Variants in SYNGR1 observed in about 807,000 individuals in gnomAD.
The protein encoded by SYNGR1 is synaptogyrin 1.
A neutral mutation model predicts 26.1 loss-of-function variants in SYNGR1; 14 were observed. That is an observed-to-expected ratio of 0.54 (90% CI 0.35 to 0.84). SYNGR1 has a LOEUF of 0.84. SYNGR1 is among the 40% of genes least tolerant of loss of function. The pLI, the probability that SYNGR1 is intolerant of heterozygous loss-of-function variation, is 0.01. For missense variants in SYNGR1, 319 were observed against 332.9 expected, an observed-to-expected ratio of 0.96 and a Z score of 0.33; for synonymous variants, 141 against 150.1, an observed-to-expected ratio of 0.94 and a Z score of 0.44.
In SYNGR1 at chr22:39,384,248, G is replaced by A; in HGVS notation, c.*2334G>A. 1.2e-5 allele frequency: 4 copies of A among 337,684 alleles called. No individual in the cohort carries two copies. Among genetic ancestry groups the A allele is most frequent in the Non-Finnish European group, 2.1e-5 (4 of 187,304 alleles). 20.9% of individuals were successfully genotyped at this position (337,684 alleles called of 1,614,324 possible). A position where few individuals can be genotyped will look rare whatever the true frequency, so the allele number is the denominator to read the frequency against. ...GGTACTGCCCATCTGTTTCTCCTCG[G>A]GTGCCAGCCAGCTGCTGGTGATCCT... On this transcript the variant is annotated 3_prime_UTR_variant, in exon 4 of 4. Coordinates refer to ENST00000328933, the MANE Select transcript of SYNGR1 (RefSeq NM_004711.5).
chr22:39,373,287 G>T (rs1925117148), intron 1 of SYNGR1, among the ~76,000 whole-genome samples: 1 of 151,358 alleles, frequency 6.6e-6, no homozygotes, highest in African/African-American at 2.4e-5. Flanking sequence ...TCCTGCCTCA[G>T]CCTCCCGAGT....
In SYNGR1 at chr22:39,384,682, C is replaced by G. The variant is rs1019852438; in HGVS notation, c.*2768C>G. The G allele has an allele frequency of 2.5e-6, 1 of 399,046 alleles. No individual in the cohort carries two copies. Among genetic ancestry groups the G allele is most frequent in the Non-Finnish European group, 4.4e-6 (1 of 226,116 alleles). The allele number at this position is 399,046 out of a possible 1,614,324, so 24.7% of individuals were successfully genotyped here. ...TCCCAGCTGCCCTCCCCTACTTCTC[C>G]CTTGCTCCCAAAGCTTTCCTTGGAG... On this transcript the variant is annotated 3_prime_UTR_variant, in exon 4 of 4. Coordinates refer to ENST00000328933, the MANE Select transcript of SYNGR1 (RefSeq NM_004711.5).
chr22:39,374,436 G>T lies in SYNGR1; in HGVS notation c.220G>T (p.Val74Leu). 6.2e-7 allele frequency: 1 copy of T among 1,613,966 alleles called. No individual in the cohort carries two copies. The highest frequency in any genetic ancestry group is 8.5e-7 in the Non-Finnish European group (1 of 1,180,036). ...CAACGCCTGCAGCTATGGCGTGGCC[G>T]TGGGCGTGCTCGCCTTCCTCACCTG... Reference protein sequence around the residue: ...NPNACSYGVAVGVLAFLTCLL... With the variant: ...NPNACSYGVALGVLAFLTCLL... The change falls in exon 2 of 4, where the codon GTG becomes TTG. Residue 74 changes from valine to leucine, a missense_variant. Physicochemically the swap from Val to Leu is conservative, Grantham distance 32. Coordinates refer to ENST00000328933, the MANE Select transcript of SYNGR1 (RefSeq NM_004711.5).
intron 1 of SYNGR1, among the ~76,000 whole-genome samples, chr22:39,355,507 G>A (rs565329223): frequency 7.2e-5 from 11 of 152,322 alleles, no homozygotes; most frequent in African/African-American, 2.2e-4. Context: ...CAAGGAGACC[G>A]CTGGGAGGTG....
chr22:39,373,059 G>T (rs1925101411), intron 1 of SYNGR1, among the ~76,000 whole-genome samples: 1 of 151,958 alleles, frequency 6.6e-6, no homozygotes, highest in Non-Finnish European at 1.5e-5. Flanking sequence ...CAGTGAGATA[G>T]CATGTGTAAT....
chr22:39,354,081 C>T (rs996744761), intron 1 of SYNGR1, among the ~76,000 whole-genome samples: 2 of 152,146 alleles, frequency 1.3e-5, no homozygotes, highest in Non-Finnish European at 2.9e-5. Context: ...CCAGGCTGGT[C>T]TCAAACTCCT....
At chr22:39,376,471 C>CG (rs934466451) in intron 3 of SYNGR1, among the ~76,000 whole-genome samples, 11 of 152,140 alleles carry the variant, frequency 7.2e-5, no homozygotes, top group African/African-American at 2.4e-4. Context: ...CCACCCCCCC[C>CG]CCAAACCACT....
intron 1 of SYNGR1, among the ~76,000 whole-genome samples, chr22:39,368,086 C>T (rs375184009): frequency 1.3e-5 from 2 of 152,346 alleles, no homozygotes; most frequent in South Asian, 4.1e-4. Flanking sequence ...CTGGCCATCA[C>T]TGCTCCCTCC....
In SYNGR1 at chr22:39,350,176, C is replaced by A; in HGVS notation, c.99+67C>A. The A allele has an allele frequency of 8.8e-7, 1 of 1,135,476 alleles. No individual in the cohort carries two copies. Among genetic ancestry groups the A allele is most frequent in the South Asian group, 2.1e-5 (1 of 48,468 alleles). 70.3% of individuals were successfully genotyped at this position (1,135,476 alleles called of 1,614,324 possible). ...TGGGGGTGTGAGCAAAGGCGGCGCG[C>A]CCGGACCGACCCCGACCCCGACCCC... On this transcript the variant is annotated intron_variant, in intron 1 of 3. Transcript: ENST00000328933. This position sits in a 1 kb window ranked among gnomAD's most constrained non-coding sequence, Gnocchi z 4.3.
intron 1 of SYNGR1, among the ~76,000 whole-genome samples, chr22:39,366,524 T>C (rs1924767405): frequency 6.6e-6 from 1 of 152,034 alleles, no homozygotes; most frequent in African/African-American, 2.4e-5. Context: ...CGCACGGCTA[T>C]AATCCCAGCT....
intron 1 of SYNGR1, among the ~76,000 whole-genome samples, chr22:39,357,864 C>A (rs1924241195): frequency 6.6e-6 from 1 of 152,258 alleles, no homozygotes; most frequent in African/African-American, 2.4e-5. Flanking sequence ...CTGCAGCCCG[C>A]CATGCCTAAG....
chr22:39,366,746 G>C (rs1206377472), intron 1 of SYNGR1, among the ~76,000 whole-genome samples: 3 of 152,180 alleles, frequency 2.0e-5, no homozygotes, highest in African/African-American at 7.2e-5. Flanking sequence ...CGTAGCTCCT[G>C]TCTGGGCTGC....
intron 1 of SYNGR1, among the ~76,000 whole-genome samples, chr22:39,371,476 CAA>C (rs370784123): frequency 1.6e-3 from 201 of 121,830 alleles, no homozygotes; most frequent in Middle Eastern, 4.6e-3. Flanking sequence ...AAGTCCATCT[CAA>C]AAAAAAAAAA....
intron 3 of SYNGR1, chr22:39,377,005 C>T: frequency 1.3e-6 from 2 of 1,550,868 alleles, no homozygotes; most frequent in Non-Finnish European, 1.7e-6. Flanking sequence ...TCCTAATCAC[C>T]CTTCTGCAGA....
intron 1 of SYNGR1, among the ~76,000 whole-genome samples, chr22:39,356,392 T>C (rs1372965275): frequency 6.6e-6 from 1 of 152,114 alleles, no homozygotes; most frequent in Non-Finnish European, 1.5e-5. Flanking sequence ...AAGTCTGCTG[T>C]GGTGCGTTTT....
chr22:39,385,092 C>G lies in SYNGR1; in HGVS notation c.*3178C>G. The G allele has an allele frequency of 2.5e-6, 1 of 398,584 alleles. No individual in the cohort carries two copies. Among genetic ancestry groups the G allele is most frequent in the Non-Finnish European group, 4.4e-6 (1 of 226,038 alleles). 24.7% of individuals were successfully genotyped at this position (398,584 alleles called of 1,614,324 possible). A position where few individuals can be genotyped will look rare whatever the true frequency, so the allele number is the denominator to read the frequency against. On this transcript the variant is annotated 3_prime_UTR_variant, in exon 4 of 4. Coordinates refer to ENST00000328933, the MANE Select transcript of SYNGR1 (RefSeq NM_004711.5). ...CAGGTTTCCCCATGTAACTGAGACA[C>G]CCTGCCTGTTAGCCCTGGGAGACCC... is the stretch of plus-strand genomic sequence containing the variant.
rs994438480 is a variant in SYNGR1 at position 39,350,611 on chromosome 22, C to T, written c.99+502C>T. 1.3e-5 allele frequency among the ~76,000 whole-genome samples: 2 copies of T among 152,098 alleles called. No individual in the cohort carries two copies. Among genetic ancestry groups the T allele is most frequent in the Non-Finnish European group, 2.9e-5 (2 of 68,014 alleles). ...CGGGTTCGTATTGCCTAGCCCGGCC[C>T]GTGTGGAGCGATGAGTCGGGAACTG... On this transcript the variant is annotated intron_variant, in intron 1 of 3. Transcript: ENST00000328933. The surrounding 1 kb of genome is among the most constrained non-coding windows in gnomAD (Gnocchi z 4.3).
intron 3 of SYNGR1, chr22:39,377,717 G>A (rs1326298535): frequency 1.2e-6 from 2 of 1,610,016 alleles, no homozygotes; most frequent in Non-Finnish European, 1.7e-6. Context: ...GAGGCCGGCA[G>A]CCCTGTATCA....
At chr22:39,363,019 GTC>G (rs1171962775) in intron 1 of SYNGR1, among the ~76,000 whole-genome samples, 3 of 152,166 alleles carry the variant, frequency 2.0e-5, no homozygotes, top group Admixed American at 6.5e-5. Context: ...CTGGAGTCTG[GTC>G]TGGAGGGCTT....
Sources: gnomAD v4.1 joint callset for allele counts (sites outside exome capture counted in the v4.1 genomes callset) on GRCh38, gnomAD v4.1.1 for gene constraint, Gnocchi (gnomAD v3.1) non-coding constraint, MANE v1.5 for transcripts, NCBI Gene and HGNC (gene_info 2026-07-23, HGNC 2026-07-21) for gene names.